Variants in CORO2A observed in about 807,000 individuals in gnomAD.
CORO2A encodes coronin 2A, also known as coronin-2A.
In CORO2A, 47 loss-of-function variants were observed where a neutral mutation model predicts 62.4. The ratio of observed to expected loss-of-function variants is 0.75; its 90% CI spans 0.60 to 0.96. CORO2A has a LOEUF of 0.96. Ranked by LOEUF, CORO2A falls within the 40% of genes least tolerant of loss-of-function variation. CORO2A has a pLI of 0.00. For missense variants in CORO2A, 610 were observed against 684.1 expected, an observed-to-expected ratio of 0.89 and a Z score of 1.21; for synonymous variants, 273 against 268.9, an observed-to-expected ratio of 1.02 and a Z score of -0.15.
At chr9:98,141,897 C>T (rs2795487) in intron 2 of CORO2A, among the ~76,000 whole-genome samples, 110,606 of 151,882 alleles carry the variant, frequency 0.73, 40,504 homozygotes, top group African/African-American at 0.74. Context: ...ACAGAAGCTA[C>T]TATTATATGT....
intron 7 of CORO2A, 89 bp downstream of exon 7, chr9:98,130,866 C>A: frequency 2.7e-6 from 3 of 1,098,888 alleles, no homozygotes. Context: ...GCCTGCCCAT[C>A]CCTGCCCTGT....
chr9:98,165,373 A>G (rs896434395), intron 1 of CORO2A, among the ~76,000 whole-genome samples: 3 of 152,252 alleles, frequency 2.0e-5, no homozygotes, highest in African/African-American at 7.2e-5. Flanking sequence ...GAACCATAGA[A>G]TAGAAATTTC....
intron 1 of CORO2A, among the ~76,000 whole-genome samples, chr9:98,158,292 AAAAG>A (rs1228018411): frequency 6.6e-6 from 1 of 152,112 alleles, no homozygotes; most frequent in Non-Finnish European, 1.5e-5. Flanking sequence ...AAAAAAAAAT[AAAAG>A]AGAGAGAGAT....
At chr9:98,187,329 G>A (rs947288980) in intron 1 of CORO2A, among the ~76,000 whole-genome samples, 13 of 149,216 alleles carry the variant, frequency 8.7e-5, no homozygotes, top group African/African-American at 3.2e-4. Context: ...CATGATGGCG[G>A]ATACCTATAA....
At chr9:98,160,545 T>TGG (rs35942540) in intron 1 of CORO2A, among the ~76,000 whole-genome samples, 50 of 152,224 alleles carry the variant, frequency 3.3e-4, no homozygotes, top group Non-Finnish European at 5.3e-4. Context: ...AAATGGGTAC[T>TGG]GGGGGTCCCC....
chr9:98,149,340 C>T (rs887675494), intron 2 of CORO2A, among the ~76,000 whole-genome samples: 1 of 152,186 alleles, frequency 6.6e-6, no homozygotes, highest in Non-Finnish European at 1.5e-5. Context: ...ACTTCAGACC[C>T]ACTACATCAG....
intron 1 of CORO2A, among the ~76,000 whole-genome samples, chr9:98,190,413 G>A (rs748648881): frequency 8.5e-5 from 13 of 152,062 alleles, no homozygotes; most frequent in Non-Finnish European, 1.6e-4. Flanking sequence ...AATTTTACAG[G>A]AATAAATACA....
chr9:98,189,712 T>A (rs901733598), intron 1 of CORO2A, among the ~76,000 whole-genome samples: 2 of 152,190 alleles, frequency 1.3e-5, no homozygotes, highest in African/African-American at 2.4e-5. Context: ...CTGGAATCTA[T>A]GTCTGCTGAC....
At chr9:98,187,748 A>G (rs570390470) in intron 1 of CORO2A, among the ~76,000 whole-genome samples, 1 of 152,134 alleles carries the variant, frequency 6.6e-6, no homozygotes, top group Non-Finnish European at 1.5e-5. Context: ...TTATGGGGTA[A>G]GATTTCAACA....
chr9:98,160,061 T>C (rs1441151912), intron 1 of CORO2A, among the ~76,000 whole-genome samples: 1 of 152,164 alleles, frequency 6.6e-6, no homozygotes, highest in Non-Finnish European at 1.5e-5. Context: ...CAGCACCAGG[T>C]AGCACGTCAG....
chr9:98,165,974 T>C (rs375886428), intron 1 of CORO2A, among the ~76,000 whole-genome samples: 4 of 152,194 alleles, frequency 2.6e-5, no homozygotes, highest in Admixed American at 6.5e-5. Context: ...CTGAACCCAC[T>C]GCCCAATCTT....
At position 98,150,898 on chromosome 9, in the gene CORO2A, A is replaced by G. The variant is rs150429764; in HGVS notation, c.201+6562T>C. On this transcript the variant is annotated intron_variant, in intron 2 of 11. Transcript: ENST00000375077. ...GAAACATTCTCTCTCTCTTTAGGAT[A>G]CAGGTCACATGCCTCACCCCAGCAT... 7.2e-3 allele frequency among the ~76,000 whole-genome samples: 1,100 copies of G among 152,252 alleles called. 9 individuals are homozygous for G. The highest frequency in any genetic ancestry group is 0.027 in the Middle Eastern group (8 of 294).
At position 98,157,644 on chromosome 9, in the gene CORO2A, TG is replaced by T; in HGVS notation, c.16del (p.Gln6SerfsTer38). The part of the protein sequence containing the change: MSWHP[Q>X]YRSSKFRHVF... The stretch of plus-strand genomic sequence containing the variant: ...ATGACGGAACTTGGAGCTCCGGTAC[TG>T]GGGGTGCCATGACATCTGCAGGAGA... On this transcript the variant is annotated frameshift_variant, in exon 2 of 12. Coordinates refer to ENST00000375077, the MANE Select transcript of CORO2A (RefSeq NM_052820.4). LOFTEE classifies it high-confidence loss of function. 6.2e-7 allele frequency: 1 copy of T among 1,613,472 alleles called. No individual in the cohort carries two copies. Among genetic ancestry groups the T allele is most frequent in the Admixed American group, 1.7e-5 (1 of 59,976 alleles).
At chr9:98,156,503 T>C (rs987124638) in intron 2 of CORO2A, among the ~76,000 whole-genome samples, 5 of 152,236 alleles carry the variant, frequency 3.3e-5, no homozygotes. Flanking sequence ...TAAATTTCCA[T>C]TTTGATTTTG....
chr9:98,187,607 G>A (rs1828256248), intron 1 of CORO2A, among the ~76,000 whole-genome samples: 1 of 152,140 alleles, frequency 6.6e-6, no homozygotes, highest in South Asian at 2.1e-4. Context: ...CCTTCTTACT[G>A]TGTCCTCATG....
chr9:98,135,056 G>C, intron 3 of CORO2A, 101 bp from the exon 4 acceptor site: 1 of 1,475,008 alleles, frequency 6.8e-7, no homozygotes, highest in Non-Finnish European at 9.1e-7. Context: ...GAAGGACCAA[G>C]GGAGCTCTCT....
At chr9:98,129,700 C>T (rs1260171228) in intron 8 of CORO2A, 94 bp downstream of exon 8, 2 of 928,340 alleles carry the variant, frequency 2.2e-6, no homozygotes. Context: ...CCTGTCTCCC[C>T]AGACCCCGCA....
intron 1 of CORO2A, among the ~76,000 whole-genome samples, chr9:98,181,232 G>GTGCCGGAA (rs112155106): frequency 0.16 from 24,510 of 151,418 alleles, 2,787 homozygotes; most frequent in African/African-American, 0.3. Flanking sequence ...GGAAAAGCCA[G>GTGCCGGAA]AACCCACGGG....
At chr9:98,160,078 AG>A (rs1468573834) in intron 1 of CORO2A, among the ~76,000 whole-genome samples, 2 of 152,188 alleles carry the variant, frequency 1.3e-5, no homozygotes, top group East Asian at 3.8e-4. Flanking sequence ...TCAGTCTTGC[AG>A]GGGCTTGTGT....
Sources: gnomAD v4.1 joint callset for allele counts (sites outside exome capture counted in the v4.1 genomes callset) on GRCh38, gnomAD v4.1.1 for gene constraint, MANE v1.5 for transcripts, NCBI Gene and HGNC (gene_info 2026-07-23, HGNC 2026-07-21) for gene names.